The following HEATR6 variants were observed in gnomAD, a reference collection of about 807,000 sequenced individuals.
HEATR6 encodes HEAT repeat containing 6, also known as HEAT repeat-containing protein 6.
HEATR6 carries 106 observed loss-of-function variants against 132.8 expected under a neutral mutation model. The observed-to-expected ratio is 0.80, with a 90% CI of 0.68 to 0.94. The LOEUF (loss-of-function observed/expected upper bound fraction) is 0.94. Among genes scored for constraint, HEATR6 ranks in the 40% least tolerant of loss-of-function variants. The pLI, the probability that HEATR6 is intolerant of heterozygous loss-of-function variation, is 0.00. For missense variants in HEATR6, 1,339 were observed against 1,425.1 expected (o/e 0.94, Z 0.97); for synonymous variants, 529 against 537.8 (o/e 0.98, Z 0.23).
chr17:60,070,732 G>A lies in HEATR6; in HGVS notation c.775C>T (p.Leu259Phe). The change falls in exon 6 of 20, where the codon CTT (leucine) becomes TTT (phenylalanine). Residue 259 changes from leucine to phenylalanine, a missense_variant. By Grantham distance (22) the Leu-to-Phe change is conservative. Transcript: ENST00000184956. ...GRMKLTQTDE[L>F]GALLAVLKKF... is the part of the protein sequence containing the mutation. ...TTTAGCACAGCTAAAAGTGCTCCAA[G>A]TTCATCAGTCTGTGTTAGTTTCATT... 1 of 1,605,154 alleles carries A rather than the reference G, an allele frequency of 6.2e-7. No homozygotes were observed. Among genetic ancestry groups the A allele is most frequent in the Non-Finnish European group, 8.5e-7 (1 of 1,171,896 alleles).
intron 17 of HEATR6, 34 bp downstream of exon 17, chr17:60,048,230 A>C (rs1234825732): frequency 6.3e-7 from 1 of 1,599,512 alleles, no homozygotes; most frequent in South Asian, 1.1e-5. Flanking sequence ...TCAATCTCAG[A>C]AGTCAGCTGG....
rs2083283044 is a variant in HEATR6 at position 60,073,860 on chromosome 17, A to G, written c.354T>C (p.Asp118=). Residue 118 remains aspartate (D), a synonymous_variant, in exon 3 of 20, where the codon GAT becomes GAC. Transcript: ENST00000184956. ...LQVIVDEQHL[D]FLLAYTISAI... ...CCGAAATAGTATATGCCAACAGGAA[A>G]TCCAAGTGCTGTTCATCAACAATTA... 12 of 1,613,890 alleles carry G rather than the reference A, an allele frequency of 7.4e-6. No homozygotes were observed. Among genetic ancestry groups the G allele is most frequent in the Non-Finnish European group, 1.0e-5 (12 of 1,179,886 alleles).
chr17:60,059,857 A>T (rs779792067), intron 10 of HEATR6, 33 bp downstream of exon 10: 4 of 1,518,708 alleles, frequency 2.6e-6, no homozygotes, highest in Non-Finnish European at 3.7e-6. Context: ...AAAACAGAGA[A>T]GCCTGCTCTG....
intron 5 of HEATR6, 47 bp downstream of exon 5, chr17:60,072,168 T>A (rs1309636564): frequency 1.0e-6 from 1 of 990,184 alleles, no homozygotes; most frequent in Non-Finnish European, 1.5e-6. Flanking sequence ...CCAATCTGCT[T>A]CTAGACACAT....
Position 60,056,215 on chromosome 17 carries a change from C to A in HEATR6, c.2102G>T (p.Gly701Val). The change falls in exon 13 of 20, where the codon GGC becomes GTC. Residue 701 changes from glycine (G) to valine (V), a missense_variant. Physicochemically the swap from Gly to Val is moderately radical, Grantham distance 109. Coordinates refer to ENST00000184956, the MANE Select transcript of HEATR6 (RefSeq NM_022070.5). ...ALQVLTLLAR[G>V]YFSMTQAYLM... ...GTAGGCTTGAGTCATTGAAAAGTAGCCCCTTGCCAGAAGAGTCAATACCTG... is the reference window on the plus strand; with the variant it reads ...GTAGGCTTGAGTCATTGAAAAGTAGACCCTTGCCAGAAGAGTCAATACCTG... The A allele has an allele frequency of 1.2e-6, 2 of 1,613,926 alleles. No individual in the cohort carries two copies. Among genetic ancestry groups the A allele is most frequent in the South Asian group, 1.1e-5 (1 of 91,060 alleles).
At chr17:60,046,553 G>A (rs1403746626) in intron 18 of HEATR6, among the ~76,000 whole-genome samples, 1 of 152,174 alleles carries the variant, frequency 6.6e-6, no homozygotes, top group Non-Finnish European at 1.5e-5. Context: ...ATGAGGAGAA[G>A]CTAGGTTCCA....
At chr17:60,059,553 G>C (rs376202472) in intron 10 of HEATR6, 32 bp from the exon 11 acceptor site, 27 of 1,457,664 alleles carry the variant, frequency 1.9e-5, no homozygotes, top group Middle Eastern at 1.7e-4. Flanking sequence ...TCATCAAAAG[G>C]CTTGATTAAA....
intron 15 of HEATR6, 93 bp downstream of exon 15, chr17:60,050,750 G>T: frequency 6.9e-7 from 1 of 1,459,680 alleles, no homozygotes; most frequent in Non-Finnish European, 9.4e-7. Flanking sequence ...CATCAGAGAT[G>T]ATGCTGAATA....
chr17:60,050,158 G>T (rs1906530910), intron 15 of HEATR6, among the ~76,000 whole-genome samples: 1 of 152,134 alleles, frequency 6.6e-6, no homozygotes, highest in African/African-American at 2.4e-5. Flanking sequence ...GAGCCCTCAT[G>T]AAAGAGATTA....
At chr17:60,063,013 CA>C in intron 9 of HEATR6, 1 of 158,606 alleles carries the variant, frequency 6.3e-6, no homozygotes, top group Non-Finnish European at 1.4e-5. Context: ...GCTGTAAGTC[CA>C]ATTAAACCTC....
At chr17:60,068,197 A>G (rs1568637291) in intron 7 of HEATR6, among the ~76,000 whole-genome samples, 1 of 152,200 alleles carries the variant, frequency 6.6e-6, no homozygotes, top group Non-Finnish European at 1.5e-5. Flanking sequence ...ATACATAGCT[A>G]GTACCACTCC....
intron 2 of HEATR6, chr17:60,075,674 T>A (rs1418179900): frequency 6.6e-6 from 1 of 152,112 alleles, no homozygotes; most frequent in East Asian, 1.9e-4. Context: ...TTCAAATATA[T>A]CTTCCATAAG....
chr17:60,048,544 T>C (rs564713034), intron 16 of HEATR6, among the ~76,000 whole-genome samples, 156 bp from the exon 17 acceptor site: 2 of 152,276 alleles, frequency 1.3e-5, no homozygotes, highest in African/African-American at 4.8e-5. Flanking sequence ...TTCTTATATT[T>C]TACAATTTGG....
chr17:60,075,954 T>C (rs2083293919), intron 2 of HEATR6, 176 bp downstream of exon 2: 2 of 441,880 alleles, frequency 4.5e-6, no homozygotes, highest in South Asian at 3.9e-5. Context: ...TTCTACAGAA[T>C]AATTTTTTTG....
chr17:60,056,331 T>G (rs1034694094), intron 12 of HEATR6, 94 bp from the exon 13 acceptor site: 5 of 1,201,706 alleles, frequency 4.2e-6, no homozygotes, highest in Non-Finnish European at 5.7e-6. Context: ...TCGCTTACAT[T>G]TAACAGGGGC....
intron 12 of HEATR6, among the ~76,000 whole-genome samples, chr17:60,056,538 A>G (rs1906748942): frequency 6.6e-6 from 1 of 152,240 alleles, no homozygotes; most frequent in Non-Finnish European, 1.5e-5. Flanking sequence ...ACAAGATGAA[A>G]GGACATGCTT....
In HEATR6 at chr17:60,041,378, A is replaced by G. The variant is rs866162232; in HGVS notation, c.*2185T>C. ...GAAACCATGAGGCCACTTCACAAATATTTTATCAAAAAACTCACCTGAGAA... is the reference window on the plus strand; with the variant it reads ...GAAACCATGAGGCCACTTCACAAATGTTTTATCAAAAAACTCACCTGAGAA... On this transcript the variant is annotated 3_prime_UTR_variant, in exon 20 of 20. Transcript: ENST00000184956. Among the ~76,000 whole-genome samples the G allele has an allele frequency of 7.2e-5, 11 of 152,234 alleles. 1 individual carries two copies. In the South Asian group the frequency reaches 2.3e-3, roughly 31 times the overall value.
At position 60,073,879 on chromosome 17, in the gene HEATR6, A is replaced by G. The variant is rs1018694453; in HGVS notation, c.335T>C (p.Val112Ala). 2.5e-6 allele frequency: 4 copies of G among 1,613,326 alleles called. No individual in the cohort carries two copies. The East Asian group carries it at 8.9e-5, about 36-fold the overall frequency. The stretch of plus-strand genomic sequence containing the variant: ...CAGGAAATCCAAGTGCTGTTCATCA[A>G]CAATTACCTAACAGGACAGGAAAAG... ...HHLLNRLQVI[V>A]DEQHLDFLLA... The change falls in exon 3 of 20, where the codon GTT becomes GCT. Residue 112 changes from valine to alanine, a missense_variant. By Grantham distance (64) the Val-to-Ala change is moderately conservative. Transcript: ENST00000184956.
At chr17:60,049,276 A>G (rs929302476) in intron 16 of HEATR6, among the ~76,000 whole-genome samples, 9 of 151,394 alleles carry the variant, frequency 5.9e-5, no homozygotes, top group African/African-American at 2.2e-4. Context: ...CTACAGGTGC[A>G]TACCACCATG....
Sources: gnomAD v4.1 joint callset for allele counts (sites outside exome capture counted in the v4.1 genomes callset) on GRCh38, gnomAD v4.1.1 for gene constraint, MANE v1.5 for transcripts, NCBI Gene and HGNC (gene_info 2026-07-23, HGNC 2026-07-21) for gene names.